Variants in MCM8 observed in about 807,000 individuals in gnomAD.
MCM8 encodes the protein DNA helicase MCM8.
Under a neutral mutation model 98.9 loss-of-function variants are expected in MCM8, and 85 were observed. The ratio of observed to expected loss-of-function variants is 0.86; its 90% CI spans 0.72 to 1.03. The LOEUF is 1.03. Ranked by LOEUF, MCM8 falls within the 50% of genes least tolerant of loss-of-function variation. The pLI, the probability that MCM8 is intolerant of heterozygous loss-of-function variation, is 0.00. For missense variants in MCM8, 951 were observed against 997.8 expected, an observed-to-expected ratio of 0.95 and a Z score of 0.63; for synonymous variants, 352 against 338.6, an observed-to-expected ratio of 1.04 and a Z score of -0.44.
At chr20:5,978,977 C>G (rs2089574448) in intron 13 of MCM8, among the ~76,000 whole-genome samples, 2 of 152,216 alleles carry the variant, frequency 1.3e-5, no homozygotes, top group African/African-American at 4.8e-5. Flanking sequence ...GAAGAAACCT[C>G]TACATTGGGC....
At position 5,973,123 on chromosome 20, in the gene MCM8, G is replaced by A. The variant is rs757323519; in HGVS notation, c.1322G>A (p.Arg441Lys). ...GSQKYADDKN[R>K]IPIRGDPHIL... ...CAGAAATACGCAGATGACAAAAACA[G>A]AATTCCAATTCGGGGAGACCCCCAC... Residue 441 changes from arginine to lysine, a missense_variant, in exon 12 of 19, where the codon AGA (arginine) becomes AAA (lysine). Transcript: ENST00000610722. 6 of 1,614,200 alleles carry A rather than the reference G, an allele frequency of 3.7e-6. No homozygotes were observed. Among genetic ancestry groups the A allele is most frequent in the Non-Finnish European group, 5.1e-6 (6 of 1,180,026 alleles).
Position 5,995,732 on chromosome 20 carries a change from A to G in MCM8, c.*1341A>G, listed in dbSNP as rs1600326160. On this transcript the variant is annotated 3_prime_UTR_variant, in exon 19 of 19. Coordinates refer to ENST00000610722, the MANE Select transcript of MCM8 (RefSeq NM_032485.6). ...TATGTTGTGAGAGGATTCAAATGTT[A>G]CAGGGTTGCCAGCCAAACTATCAAT... is the stretch of plus-strand genomic sequence containing the variant. 1 of 152,238 alleles carries G rather than the reference A, an allele frequency of 6.6e-6. No homozygotes were observed. Among genetic ancestry groups the G allele is most frequent in the African/African-American group, 2.4e-5 (1 of 41,456 alleles). 9.4% of individuals were successfully genotyped at this position (152,238 alleles called of 1,614,324 possible). A position where few individuals can be genotyped will look rare whatever the true frequency, so the allele number is the denominator to read the frequency against.
At chr20:5,991,849 T>C (rs1455702463) in intron 17 of MCM8, among the ~76,000 whole-genome samples, 1 of 151,886 alleles carries the variant, frequency 6.6e-6, no homozygotes, top group African/African-American at 2.4e-5. Flanking sequence ...ATTCATTCAT[T>C]AAATCTTCCA....
chr20:5,970,595 C>G (rs2089381738), intron 10 of MCM8, among the ~76,000 whole-genome samples: 1 of 152,186 alleles, frequency 6.6e-6, no homozygotes, highest in South Asian at 2.1e-4. Flanking sequence ...ATAGAAAGGT[C>G]TTTGGCAGAC....
At position 5,958,565 on chromosome 20, in the gene MCM8, G is replaced by T; in HGVS notation, c.628G>T (p.Val210Phe). ...NYEPLTQLKN[V>F]RANYYGKYIA... ...TGAGCCTTTGACACAGCTCAAGAAT[G>T]TCAGAGCAAATTACTATGGAAAATA... The change falls in exon 7 of 19, where the codon GTC becomes TTC. Residue 210 changes from valine (V) to phenylalanine (F), a missense_variant. Physicochemically the swap from Val to Phe is conservative, Grantham distance 50. Coordinates refer to ENST00000610722, the MANE Select transcript of MCM8 (RefSeq NM_032485.6). 2.5e-6 allele frequency: 4 copies of T among 1,614,120 alleles called. No individual in the cohort carries two copies. The highest frequency in any genetic ancestry group is 3.4e-6 in the Non-Finnish European group (4 of 1,180,002).
Position 5,983,113 on chromosome 20 carries a change from A to C in MCM8, c.1681A>C (p.Asn561His), listed in dbSNP as rs1454400873. The change falls in exon 14 of 19, where the codon AAT becomes CAT. Residue 561 changes from asparagine (N) to histidine (H), a missense_variant. Coordinates refer to ENST00000610722, the MANE Select transcript of MCM8 (RefSeq NM_032485.6). ...PARTSIIAAA[N>H]PVGGHYNKAK... ...AAGAACTTCCATTATTGCTGCTGCA[A>C]ATCCAGTTGGAGGACATTACAATAA... 1 of 1,614,126 alleles carries C rather than the reference A, an allele frequency of 6.2e-7. No individual in the cohort carries two copies. Among genetic ancestry groups the C allele is most frequent in the Admixed American group, 1.7e-5 (1 of 59,990 alleles).
Position 5,950,686 on chromosome 20 carries a change from A to G in MCM8, c.-343A>G. ...GAAGTTGGATCACTGAAGCGCCAAA[A>G]AAGAATTTAGGGGAAGACCTGATTT... is the stretch of plus-strand genomic sequence containing the variant. On this transcript the variant is annotated 5_prime_UTR_variant, in exon 1 of 19. Transcript: ENST00000610722. 1 of 359,292 alleles carries G rather than the reference A, an allele frequency of 2.8e-6. No homozygotes were observed. The highest frequency in any genetic ancestry group is 5.7e-5 in the South Asian group (1 of 17,418). The allele number at this position is 359,292 out of a possible 1,614,324, so 22.3% of individuals were successfully genotyped here.
In MCM8 at chr20:5,994,390, A is replaced by G; in HGVS notation, c.2522A>G (p.Ter841=). Residue 841 remains the stop codon, a stop_retained_variant, in exon 19 of 19, where the codon TAA becomes TGA. Transcript: ENST00000610722. ...AAAGTTTACCAGCTTCAAACTATGT[A>G]AAAGGACTTCACCAAGTTAGGGCCT... The part of the protein sequence containing the change: ...GPKVYQLQTM[*] The G allele has an allele frequency of 6.2e-7, 1 of 1,607,220 alleles. No homozygotes were observed. The highest frequency in any genetic ancestry group is 8.5e-7 in the Non-Finnish European group (1 of 1,176,822).
rs1177282310 is a variant in MCM8, at chr20:5,998,611, A to C, written c.*4220A>C. The C allele has an allele frequency of 6.6e-6, 1 of 151,928 alleles. No homozygotes were observed. Among genetic ancestry groups the C allele is most frequent in the Non-Finnish European group, 1.5e-5 (1 of 67,992 alleles). 9.4% of individuals were successfully genotyped at this position (151,928 alleles called of 1,614,324 possible). A position where few individuals can be genotyped will look rare whatever the true frequency, so the allele number is the denominator to read the frequency against. ...ATTCTGGAGACCCAGTATGGAACCC[A>C]CTCCTAGCCCTTGTGACAATATTGC... On this transcript the variant is annotated 3_prime_UTR_variant, in exon 19 of 19. Coordinates refer to ENST00000610722, the MANE Select transcript of MCM8 (RefSeq NM_032485.6).
intron 10 of MCM8, among the ~76,000 whole-genome samples, chr20:5,970,771 A>G (rs141707681): frequency 1.1e-4 from 17 of 152,284 alleles, no homozygotes; most frequent in African/African-American, 1.7e-4. Context: ...TTCCTTGTTT[A>G]TAAAATTGAC....
chr20:5,993,840 C>T (rs2089902703), intron 18 of MCM8, 145 bp downstream of exon 18: 2 of 607,066 alleles, frequency 3.3e-6, no homozygotes, highest in South Asian at 5.8e-5. Context: ...CAGAGGGAAA[C>T]ATTGTAGTAA....
rs1464228818 is a variant in MCM8 at position 5,994,384 on chromosome 20, C to G, written c.2516C>G (p.Thr839Ser). The G allele has an allele frequency of 6.3e-7, 1 of 1,589,426 alleles. No homozygotes were observed. Among genetic ancestry groups the G allele is most frequent in the Non-Finnish European group, 8.6e-7 (1 of 1,165,166 alleles). The part of the protein sequence containing the change: ...KKGPKVYQLQ[T>S]M The stretch of plus-strand genomic sequence containing the variant: ...GGCCCAAAAGTTTACCAGCTTCAAA[C>G]TATGTAAAAGGACTTCACCAAGTTA... The change falls in exon 19 of 19, where the codon ACT becomes AGT. Residue 839 changes from threonine (T) to serine (S), a missense_variant. Physicochemically the swap from Thr to Ser is moderately conservative, Grantham distance 58. Transcript: ENST00000610722.
chr20:5,957,150 C>T lies in MCM8; in HGVS notation c.511C>T (p.His171Tyr). ...HQVLTKDLER[H>Y]AAELQAQEGL... The stretch of plus-strand genomic sequence containing the variant: ...GGTGTTAACTAAGGACCTTGAAAGG[C>T]ATGCAGCTGAGTTACAAGCCCAGGA... Residue 171 changes from histidine to tyrosine, a missense_variant, in exon 6 of 19, where the codon CAT becomes TAT. Coordinates refer to ENST00000610722, the MANE Select transcript of MCM8 (RefSeq NM_032485.6). 2 of 1,613,430 alleles carry T rather than the reference C, an allele frequency of 1.2e-6. No individual in the cohort carries two copies. The highest frequency in any genetic ancestry group is 1.7e-6 in the Non-Finnish European group (2 of 1,179,646).
chr20:5,977,949 C>CTA lies in MCM8; in HGVS notation c.1470_1471insAT (p.Leu491IlefsTer88). The CTA allele has an allele frequency of 2.5e-6, 4 of 1,614,224 alleles. No homozygotes were observed. Among genetic ancestry groups the CTA allele is most frequent in the Non-Finnish European group, 2.5e-6 (3 of 1,180,038 alleles). ...ACGACCACCTCTGGTCTGACGGTAA[C>CTA]TCTTTCAAAAGATAGTTCCTCTGGA... On this transcript the variant is annotated frameshift_variant, in exon 13 of 19. Transcript: ENST00000610722. LOFTEE classifies it high-confidence loss of function.
chr20:5,954,767 G>A (rs1222127014), intron 4 of MCM8, 77 bp downstream of exon 4: 8 of 867,224 alleles, frequency 9.2e-6, no homozygotes, highest in East Asian at 4.9e-5. Context: ...GATTATGATC[G>A]TAGGCACTGG....
intron 8 of MCM8, among the ~76,000 whole-genome samples, chr20:5,966,473 C>A (rs2089277258): frequency 6.6e-6 from 1 of 151,434 alleles, no homozygotes; most frequent in South Asian, 2.1e-4. Context: ...TACTTGTTTC[C>A]CCATTGTTCC....
At chr20:5,978,256 G>A (rs1023460743) in intron 13 of MCM8, among the ~76,000 whole-genome samples, 2 of 152,170 alleles carry the variant, frequency 1.3e-5, no homozygotes, top group African/African-American at 2.4e-5. Context: ...ACAAGTATAT[G>A]TAAAAATCAA....
chr20:5,978,127 T>G, intron 13 of MCM8, 110 bp downstream of exon 13: 1 of 1,234,420 alleles, frequency 8.1e-7, no homozygotes, highest in Non-Finnish European at 1.1e-6. Flanking sequence ...GATAGCAAAG[T>G]CCTAACCAGT....
intron 8 of MCM8, chr20:5,964,589 C>T (rs995206334): frequency 1.3e-5 from 2 of 152,198 alleles, no homozygotes; most frequent in Non-Finnish European, 2.9e-5. Flanking sequence ...CAGTCACTTA[C>T]AGATCAAACT....
Sources: allele counts gnomAD v4.1 joint callset (sites outside exome capture counted in the v4.1 genomes callset), GRCh38; gene constraint gnomAD v4.1.1; transcripts MANE v1.5; gene names NCBI Gene and HGNC (gene_info 2026-07-23, HGNC 2026-07-21).